Variants in ZNF589 observed in about 807,000 individuals in gnomAD.
ZNF589 encodes the protein zinc finger protein 589, also known as KRAB-zinc finger protein SZF1-1.
In ZNF589, 17 loss-of-function variants were observed where a neutral mutation model predicts 13.6. The observed-to-expected ratio is 1.25, with a 90% CI of 0.86 to 1.88. ZNF589 has a LOEUF of 1.88. Among genes scored for constraint, ZNF589 ranks in the 40% most tolerant of loss-of-function variants. The pLI is 0.00. For missense variants in ZNF589, 407 were observed against 434.0 expected (o/e 0.94, Z 0.55); for synonymous variants, 148 against 161.6 (o/e 0.92, Z 0.64).
intron 1 of ZNF589, among the ~76,000 whole-genome samples, chr3:48,242,364 G>T (rs892776337): frequency 3.3e-5 from 5 of 151,922 alleles, no homozygotes; most frequent in African/African-American, 1.2e-4. Context: ...CACCTGCCTC[G>T]GCCTCCCAAA....
In ZNF589 at chr3:48,269,356, T is replaced by C. The variant is rs1352611217; in HGVS notation, c.*570T>C. ...GGAGTACACACTCCAAGGAAAAACC[T>C]TATGTGTGCAGCCAGTGTGGGCGAG... is the stretch of plus-strand genomic sequence containing the variant. On this transcript the variant is annotated 3_prime_UTR_variant, in exon 4 of 4. Transcript: ENST00000354698. 1.7e-5 allele frequency: 17 copies of C among 987,334 alleles called. No homozygotes were observed. Among genetic ancestry groups the C allele is most frequent in the Non-Finnish European group, 2.4e-5 (16 of 676,320 alleles). The allele number at this position is 987,334 out of a possible 1,614,324, so 61.2% of individuals were successfully genotyped here. A position where few individuals can be genotyped will look rare whatever the true frequency, so the allele number is the denominator to read the frequency against.
At chr3:48,248,699 A>G (rs1483010969) in intron 2 of ZNF589, among the ~76,000 whole-genome samples, 1 of 152,192 alleles carries the variant, frequency 6.6e-6, no homozygotes, top group East Asian at 1.9e-4. Context: ...TGATGCATAG[A>G]GACAGGAAAT....
At chr3:48,250,083 G>A (rs770781680) in intron 2 of ZNF589, among the ~76,000 whole-genome samples, 2 of 150,510 alleles carry the variant, frequency 1.3e-5, no homozygotes, top group African/African-American at 2.4e-5. Context: ...AGCCGAGATC[G>A]AGCCACTGCA....
intron 2 of ZNF589, among the ~76,000 whole-genome samples, chr3:48,257,549 C>T (rs1170750067): frequency 1.3e-5 from 2 of 151,698 alleles, no homozygotes; most frequent in African/African-American, 2.4e-5. Flanking sequence ...CGTGAGCCAC[C>T]GAAAAAAGTT....
At chr3:48,245,143 G>A (rs539705755) in intron 1 of ZNF589, among the ~76,000 whole-genome samples, 88 of 152,104 alleles carry the variant, frequency 5.8e-4, no homozygotes, top group Middle Eastern at 3.4e-3. Context: ...GGGTTTCCCC[G>A]GCTCTGTCAC....
chr3:48,260,950 G>A lies in ZNF589; in HGVS notation c.223+11G>A. On this transcript the variant is annotated intron_variant, in intron 3 of 3. Transcript: ENST00000354698. ...ATCTGGTCTCATTGGGTAAGGACAT[G>A]TTCTCTTCCTTCATTTTTCCATTCA... The A allele has an allele frequency of 1.2e-6, 2 of 1,613,896 alleles. No homozygotes were observed. Among genetic ancestry groups the A allele is most frequent in the South Asian group, 1.1e-5 (1 of 91,054 alleles).
chr3:48,264,979 T>G (rs1444896642), intron 3 of ZNF589, among the ~76,000 whole-genome samples: 2 of 152,096 alleles, frequency 1.3e-5, no homozygotes, highest in African/African-American at 4.8e-5. Flanking sequence ...CTTTAATATT[T>G]AAATTTTTTT....
chr3:48,242,905 AAAAATAAAAT>A (rs757965109), intron 1 of ZNF589, among the ~76,000 whole-genome samples: 1 of 151,402 alleles, frequency 6.6e-6, no homozygotes, highest in Non-Finnish European at 1.5e-5. Flanking sequence ...TCTCTACTTT[AAAAATAAAAT>A]AAAATAAAAT....
At chr3:48,245,017 G>C (rs546651235) in intron 1 of ZNF589, among the ~76,000 whole-genome samples, 1 of 152,012 alleles carries the variant, frequency 6.6e-6, no homozygotes, top group African/African-American at 2.4e-5. Context: ...GTTTCACCAT[G>C]TTGGCCAGGC....
At chr3:48,263,631 C>T (rs1284465821) in intron 3 of ZNF589, among the ~76,000 whole-genome samples, 1 of 152,084 alleles carries the variant, frequency 6.6e-6, no homozygotes, top group Non-Finnish European at 1.5e-5. Context: ...TGGTGATGTG[C>T]ACCTGTAATC....
rs746918358 is a variant in ZNF589 at position 48,268,706 on chromosome 3, C to T, written c.1015C>T (p.Arg339Ter). ...ATCGTTTATGTGCACAGTGTGTGGG[C>T]GAGGCTTTCGTGAAAAGTCAGAGCT... ...EKSFMCTVCG[R>*]GFREKSELIK... Residue 339 changes from arginine (R) to a stop codon, truncating the protein, a stop_gained, in exon 4 of 4, where the codon CGA becomes TGA. Coordinates refer to ENST00000354698, the MANE Select transcript of ZNF589 (RefSeq NM_016089.3). LOFTEE classifies it low-confidence loss of function (END_TRUNC). 58 of 1,614,022 alleles carry T rather than the reference C, an allele frequency of 3.6e-5. No individual in the cohort carries two copies. The highest frequency in any genetic ancestry group is 5.5e-5 in the South Asian group (5 of 91,078).
chr3:48,242,303 G>C (rs932633134), intron 1 of ZNF589, among the ~76,000 whole-genome samples: 1 of 151,844 alleles, frequency 6.6e-6, no homozygotes, highest in African/African-American at 2.4e-5. Context: ...GTAGAGGCGG[G>C]GTTTCATCAT....
chr3:48,256,726 G>C, intron 2 of ZNF589: 1 of 1,598,510 alleles, frequency 6.3e-7, no homozygotes, highest in Non-Finnish European at 8.6e-7. Flanking sequence ...AGTGGCAGAT[G>C]GGGCACTGGC....
intron 2 of ZNF589, 127 bp from the exon 3 acceptor site, chr3:48,260,686 G>C: frequency 7.4e-7 from 1 of 1,344,274 alleles, no homozygotes; most frequent in South Asian, 1.3e-5. Flanking sequence ...TAGGATTGCA[G>C]GTGTGAGCCA....
chr3:48,270,063 C>G lies in ZNF589; in HGVS notation c.*1277C>G, dbSNP rs202108086. 845 of 457,306 alleles carry G rather than the reference C, an allele frequency of 1.8e-3. 14 individuals are homozygous for G. The highest frequency in any genetic ancestry group is 0.012 in the South Asian group (753 of 64,574). The allele number at this position is 457,306 out of a possible 1,614,324, so 28.3% of individuals were successfully genotyped here. ...GTGACGGTCCCCTTGGAGGAATGGT[C>G]TTTGCATCTGACTACTTCCTTCTGC... On this transcript the variant is annotated 3_prime_UTR_variant, in exon 4 of 4. Coordinates refer to ENST00000354698, the MANE Select transcript of ZNF589 (RefSeq NM_016089.3).
At chr3:48,258,003 C>A in intron 2 of ZNF589, 2 of 421,716 alleles carry the variant, frequency 4.7e-6, no homozygotes, top group South Asian at 1.7e-5. Context: ...TTACTTTGTT[C>A]TTCTAGTTTC....
intron 3 of ZNF589, 151 bp downstream of exon 3, chr3:48,261,090 T>A (rs1334807953): frequency 2.3e-6 from 2 of 855,810 alleles, no homozygotes; most frequent in Non-Finnish European, 1.8e-6. Flanking sequence ...CTAGTATAGG[T>A]AGACTGACAA....
At position 48,251,521 on chromosome 3, in the gene ZNF589, A is replaced by G. The variant is rs530715775; in HGVS notation, c.96+3844A>G. Among the ~76,000 whole-genome samples, 23 of 151,938 alleles carry G rather than the reference A, an allele frequency of 1.5e-4. No homozygotes were observed. The East Asian group carries it at 4.3e-3, about 28-fold the overall frequency. On this transcript the variant is annotated intron_variant, in intron 2 of 3. Transcript: ENST00000354698. ...GTTGCAGTGAGCTGAGATTGCACCA[A>G]TGTACTCCAGCCTGGGCAACAGAGT... is the stretch of plus-strand genomic sequence containing the variant.
In ZNF589 at chr3:48,268,701, G is replaced by A. The variant is rs779768615; in HGVS notation, c.1010G>A (p.Cys337Tyr). The A allele has an allele frequency of 2.4e-5, 38 of 1,614,246 alleles. No individual in the cohort carries two copies. Among genetic ancestry groups the A allele is most frequent in the Non-Finnish European group, 3.1e-5 (36 of 1,180,052 alleles). The change falls in exon 4 of 4, where the codon TGT becomes TAT. Residue 337 changes from cysteine to tyrosine, a missense_variant. Transcript: ENST00000354698. Reference protein sequence around the residue: ...TREKSFMCTVCGRGFREKSEL... With the variant: ...TREKSFMCTVYGRGFREKSEL... ...GAGAAATCGTTTATGTGCACAGTGT[G>A]TGGGCGAGGCTTTCGTGAAAAGTCA...
Sources: allele counts gnomAD v4.1 joint callset (sites outside exome capture counted in the v4.1 genomes callset), GRCh38; gene constraint gnomAD v4.1.1; transcripts MANE v1.5; gene names NCBI Gene and HGNC (gene_info 2026-07-23, HGNC 2026-07-21).